The following XRCC4 variants were observed in gnomAD, a reference collection of about 807,000 sequenced individuals.
The protein encoded by XRCC4 is X-ray repair cross complementing 4, also known as DNA repair protein XRCC4.
A neutral mutation model predicts 39.1 loss-of-function variants in XRCC4; 28 were observed. That is an observed-to-expected ratio of 0.72 (90% CI 0.53 to 0.98). XRCC4 has a LOEUF of 0.98. Among genes scored for constraint, XRCC4 ranks in the 50% least tolerant of loss-of-function variants. The pLI is 0.00. For synonymous variants in XRCC4, 123 were observed against 126.4 expected (o/e 0.97, Z 0.18); for missense variants, 350 against 376.4 (o/e 0.93, Z 0.58).
At chr5:83,225,018 C>G (rs1752234325) in intron 6 of XRCC4, among the ~76,000 whole-genome samples, 1 of 152,066 alleles carries the variant, frequency 6.6e-6, no homozygotes. Context: ...TTTCTTCATT[C>G]TCCTTGAATA....
rs1042181863 is a variant in XRCC4 at position 83,097,074 on chromosome 5, T to G, written c.-10-7836T>G. On this transcript the variant is annotated intron_variant, in intron 1 of 7. Coordinates refer to ENST00000396027, the MANE Select transcript of XRCC4 (RefSeq NM_003401.5). ...GGTTATACTCAGAACAGAGTCTTGC[T>G]TATACTTTGGAACTTCCTCCTGCTG... is the stretch of plus-strand genomic sequence containing the variant. Among the ~76,000 whole-genome samples, 93 of 152,224 alleles carry G rather than the reference T, an allele frequency of 6.1e-4. 1 individual carries two copies. The highest frequency in any genetic ancestry group is 5.2e-4 in the Admixed American group (8 of 15,272).
chr5:83,176,757 G>T (rs1476474457), intron 3 of XRCC4, among the ~76,000 whole-genome samples: 1 of 152,026 alleles, frequency 6.6e-6, no homozygotes, highest in African/African-American at 2.4e-5. Context: ...GAGTAGCTGG[G>T]ACTACAGGGG....
chr5:83,107,817 A>G (rs1467429045), intron 2 of XRCC4, among the ~76,000 whole-genome samples: 2 of 151,932 alleles, frequency 1.3e-5, no homozygotes, highest in Admixed American at 6.6e-5. Context: ...TTATATGGAA[A>G]TAGTGACAGA....
downstream of XRCC4, among the ~76,000 whole-genome samples, chr5:83,355,319 G>A (rs574634095): frequency 6.6e-6 from 1 of 152,000 alleles, no homozygotes; most frequent in East Asian, 1.9e-4. Context: ...TCACTCTCTC[G>A]AATTACTTTT....
At chr5:83,229,678 T>G (rs987822853) in intron 6 of XRCC4, among the ~76,000 whole-genome samples, 2 of 150,394 alleles carry the variant, frequency 1.3e-5, no homozygotes, top group African/African-American at 2.4e-5. Flanking sequence ...TTTTTTTTTT[T>G]TTTGCTAAAG....
intron 7 of XRCC4, among the ~76,000 whole-genome samples, chr5:83,309,286 AAAAAAAAAAAATATAT>A (rs1755606313): frequency 8.5e-6 from 1 of 117,280 alleles, no homozygotes; most frequent in Non-Finnish European, 1.6e-5. Context: ...AAAAAAAAAA[AAAAAAAAAAAATATAT>A]ATATATATAT....
intron 3 of XRCC4, among the ~76,000 whole-genome samples, chr5:83,137,650 C>T (rs1169118597): frequency 1.3e-5 from 2 of 152,088 alleles, no homozygotes; most frequent in Non-Finnish European, 1.5e-5. Context: ...ATTTTGGCAG[C>T]TTATTCAACT....
At chr5:83,242,101 C>A (rs7707131) in intron 6 of XRCC4, among the ~76,000 whole-genome samples, 3,464 of 145,342 alleles carry the variant, frequency 0.024, 129 homozygotes, top group African/African-American at 0.083. Flanking sequence ...AAAAAAAATT[C>A]ACGTATAAAT....
chr5:83,192,264 A>ATATGTATACATATATGTATATACG (rs1750736603), intron 3 of XRCC4, among the ~76,000 whole-genome samples: 1 of 147,698 alleles, frequency 6.8e-6, no homozygotes, highest in African/African-American at 2.5e-5. Flanking sequence ...ATACGTATAC[A>ATATGTATACATATATGTATATACG]TATGTATACA....
intron 3 of XRCC4, among the ~76,000 whole-genome samples, chr5:83,159,560 T>C (rs1431524716): frequency 6.6e-6 from 1 of 152,166 alleles, no homozygotes; most frequent in Non-Finnish European, 1.5e-5. Context: ...GTTCTGATGA[T>C]AGGTGAAAAA....
intron 3 of XRCC4, among the ~76,000 whole-genome samples, chr5:83,125,561 C>T (rs1298980077): frequency 1.3e-5 from 2 of 152,162 alleles, no homozygotes; most frequent in East Asian, 3.9e-4. Flanking sequence ...GCTTTTGCAT[C>T]TTCGTTAAAA....
chr5:83,338,937 T>A (rs1473381945), intron 7 of XRCC4, among the ~76,000 whole-genome samples: 2 of 152,180 alleles, frequency 1.3e-5, no homozygotes, highest in Non-Finnish European at 2.9e-5. Flanking sequence ...TATAACTTTT[T>A]ATTGAAATCA....
At chr5:83,114,731 T>C (rs933264676) in intron 3 of XRCC4, among the ~76,000 whole-genome samples, 2 of 152,240 alleles carry the variant, frequency 1.3e-5, no homozygotes, top group Non-Finnish European at 2.9e-5. Flanking sequence ...CCCTCCAAAC[T>C]GTTCCAGTCT....
chr5:83,095,812 T>C (rs1445598039), intron 1 of XRCC4, among the ~76,000 whole-genome samples: 1 of 152,004 alleles, frequency 6.6e-6, no homozygotes, highest in East Asian at 1.9e-4. Flanking sequence ...CACAGTCTGC[T>C]GTGGGACAGG....
chr5:83,157,050 TA>T (rs1414946047), intron 3 of XRCC4, among the ~76,000 whole-genome samples: 1 of 152,038 alleles, frequency 6.6e-6, no homozygotes, highest in Non-Finnish European at 1.5e-5. Context: ...TAAACACTGG[TA>T]AAGGAAGATT....
intron 3 of XRCC4, among the ~76,000 whole-genome samples, chr5:83,170,584 T>C (rs1265691848): frequency 6.6e-6 from 1 of 152,116 alleles, no homozygotes; most frequent in Non-Finnish European, 1.5e-5. Context: ...CTAACTCTGC[T>C]CTCAGCTCCT....
intron 3 of XRCC4, among the ~76,000 whole-genome samples, chr5:83,156,283 AT>A (rs35796754): frequency 0.35 from 48,299 of 137,178 alleles, 7,991 homozygotes; most frequent in Non-Finnish European, 0.42. Flanking sequence ...TTGCCTAAGT[AT>A]TTTTTTTTTT....
At chr5:83,111,303 C>T (rs1254237580) in intron 3 of XRCC4, 100 bp downstream of exon 3, 2 of 936,008 alleles carry the variant, frequency 2.1e-6, no homozygotes, top group Non-Finnish European at 2.9e-6. Context: ...TCCCAGAACA[C>T]CTCAGAAGCA....
chr5:83,259,685 T>C (rs1753682487), intron 7 of XRCC4, among the ~76,000 whole-genome samples: 1 of 152,130 alleles, frequency 6.6e-6, no homozygotes, highest in South Asian at 2.1e-4. Flanking sequence ...GAATATATCA[T>C]TCATATTATC....
Sources: allele counts gnomAD v4.1 joint callset (sites outside exome capture counted in the v4.1 genomes callset), GRCh38; gene constraint gnomAD v4.1.1; transcripts MANE v1.5; gene names NCBI Gene and HGNC (gene_info 2026-07-23, HGNC 2026-07-21).